ZMIZ1: variants seen among roughly 807,000 people sequenced by gnomAD.
ZMIZ1 encodes zinc finger MIZ domain-containing protein 1.
ZMIZ1 carries 17 observed loss-of-function variants against 113.9 expected under a neutral mutation model. The ratio of observed to expected loss-of-function variants is 0.15; its 90% CI spans 0.10 to 0.22. The LOEUF (loss-of-function observed/expected upper bound fraction) is 0.22. ZMIZ1 is among the 10% of genes least tolerant of loss of function. The pLI, the probability that ZMIZ1 is intolerant of heterozygous loss-of-function variation, is 1.00. For synonymous variants in ZMIZ1, 607 were observed against 603.1 expected (o/e 1.01, Z -0.09); for missense variants, 1,059 against 1,477.8 (o/e 0.72, Z 4.65).
Position 79,296,726 on chromosome 10 carries a change from G to A in ZMIZ1, c.1413+73G>A. On this transcript the variant is annotated intron_variant, in intron 13 of 24. Transcript: ENST00000334512. The surrounding 1 kb of genome is among the most constrained non-coding windows in gnomAD (Gnocchi z 4.1). ...CACCTCACTCCCCTAACTCCACCGG[G>A]ATCACTCTGACCCTGCGTGTGTTTG... 1.4e-6 allele frequency: 2 copies of A among 1,424,196 alleles called. No individual in the cohort carries two copies. Among genetic ancestry groups the A allele is most frequent in the Non-Finnish European group, 1.9e-6 (2 of 1,058,782 alleles). The allele number at this position is 1,424,196 out of a possible 1,614,324, so 88.2% of individuals were successfully genotyped here.
rs569572968 is a variant in ZMIZ1 at position 79,211,851 on chromosome 10, A to G, written c.174+3402A>G. Among the ~76,000 whole-genome samples, 14 of 152,332 alleles carry G rather than the reference A, an allele frequency of 9.2e-5. No homozygotes were observed. In the South Asian group the frequency reaches 2.9e-3, roughly 32 times the overall value. On this transcript the variant is annotated intron_variant, in intron 6 of 24. Transcript: ENST00000334512. ...CTCCCGTGGGCTTAGGGAACGGCGG[A>G]AGACAGAGGAGACAGTGGGAGAGCA...
intron 18 of ZMIZ1, 116 bp downstream of exon 18, chr10:79,302,328 C>A: frequency 1.9e-6 from 2 of 1,067,280 alleles, no homozygotes; most frequent in South Asian, 1.4e-5. Context: ...ATGTCACCAC[C>A]GGGCCTGGAG....
At chr10:79,082,557 C>T (rs946309378) in intron 1 of ZMIZ1, among the ~76,000 whole-genome samples, 4 of 152,216 alleles carry the variant, frequency 2.6e-5, no homozygotes, top group African/African-American at 9.7e-5. Flanking sequence ...TCCCATTTCC[C>T]AGATTAGAGC....
chr10:79,145,672 AC>A, intron 3 of ZMIZ1, among the ~76,000 whole-genome samples: 1 of 152,256 alleles, frequency 6.6e-6, no homozygotes, highest in East Asian at 1.9e-4. Flanking sequence ...CAGTGAGATA[AC>A]CTATGTGAAG....
In ZMIZ1 at chr10:79,118,588, T is replaced by G. The variant is rs981473595; in HGVS notation, c.-336-327T>G. On this transcript the variant is annotated intron_variant, in intron 1 of 24. Coordinates refer to ENST00000334512, the MANE Select transcript of ZMIZ1 (RefSeq NM_020338.4). This position sits in a 1 kb window ranked among gnomAD's most constrained non-coding sequence, Gnocchi z 4.1. The stretch of plus-strand genomic sequence containing the variant: ...AGCTCTGAGCGGGGCACCCAGCGTG[T>G]GCCAAGGCCGGAGCCAGGGGCTCTG... 2.6e-5 allele frequency among the ~76,000 whole-genome samples: 4 copies of G among 152,130 alleles called. No individual in the cohort carries two copies. The highest frequency in any genetic ancestry group is 5.9e-5 in the Non-Finnish European group (4 of 68,000).
At chr10:79,293,973 T>C in intron 12 of ZMIZ1, 1 of 452,836 alleles carries the variant, frequency 2.2e-6, no homozygotes, top group Non-Finnish European at 4.1e-6. Flanking sequence ...GACTCTTGTC[T>C]TGGCTCAGCC....
chr10:79,139,250 C>T (rs760285515), intron 2 of ZMIZ1, among the ~76,000 whole-genome samples: 2 of 152,070 alleles, frequency 1.3e-5, no homozygotes, highest in African/African-American at 4.8e-5. Flanking sequence ...GCCGGCCGGC[C>T]GTGTGAGATA....
At chr10:79,287,087 G>T (rs950792007) in intron 8 of ZMIZ1, among the ~76,000 whole-genome samples, 4 of 152,226 alleles carry the variant, frequency 2.6e-5, no homozygotes, top group African/African-American at 9.6e-5. Flanking sequence ...CAGGTGTCCA[G>T]GGGATCTCCT....
chr10:79,173,186 C>A (rs1189484926), intron 4 of ZMIZ1, among the ~76,000 whole-genome samples: 1 of 152,224 alleles, frequency 6.6e-6, no homozygotes, highest in Non-Finnish European at 1.5e-5. Flanking sequence ...CTAGGGCAAG[C>A]TTGTCCAACC....
rs1055893759 is a variant in ZMIZ1, at chr10:79,267,890, C to T, written c.281-9291C>T. On this transcript the variant is annotated intron_variant, in intron 7 of 24. Transcript: ENST00000334512. Reference sequence around the variant, plus strand: ...AGTCCAGGCCCGTGTTGACTCAAACCCCTGTGTCTGCTGCACTCTCCCGCC... The same window carrying T: ...AGTCCAGGCCCGTGTTGACTCAAACTCCTGTGTCTGCTGCACTCTCCCGCC... 3.9e-5 allele frequency among the ~76,000 whole-genome samples: 6 copies of T among 152,250 alleles called. No individual in the cohort carries two copies. In the East Asian group the frequency reaches 1.2e-3, roughly 29 times the overall value.
chr10:79,264,163 C>T (rs1851441937), intron 7 of ZMIZ1, among the ~76,000 whole-genome samples: 1 of 152,198 alleles, frequency 6.6e-6, no homozygotes, highest in African/African-American at 2.4e-5. Flanking sequence ...TCAGTTCTCA[C>T]CTTGCAGATG....
At chr10:79,273,653 C>T (rs1437309009) in intron 7 of ZMIZ1, among the ~76,000 whole-genome samples, 1 of 152,272 alleles carries the variant, frequency 6.6e-6, no homozygotes, top group African/African-American at 2.4e-5. Flanking sequence ...CCATCACGCC[C>T]AGCCCCTGCT....
At chr10:79,200,499 T>C (rs1848029649) in intron 4 of ZMIZ1, among the ~76,000 whole-genome samples, 1 of 152,176 alleles carries the variant, frequency 6.6e-6, no homozygotes, top group South Asian at 2.1e-4. Flanking sequence ...AGCACTCCCT[T>C]CTCCTGCACT....
intron 7 of ZMIZ1, among the ~76,000 whole-genome samples, chr10:79,267,935 C>T (rs1245746969): frequency 6.6e-6 from 1 of 152,190 alleles, no homozygotes; most frequent in Non-Finnish European, 1.5e-5. Context: ...CCCTCACCAC[C>T]ACTTCTTTTC....
intron 4 of ZMIZ1, among the ~76,000 whole-genome samples, chr10:79,186,098 G>A (rs1222268568): frequency 6.6e-6 from 1 of 152,086 alleles, no homozygotes; most frequent in African/African-American, 2.4e-5. Flanking sequence ...GGAGGGAAAG[G>A]GTGTGAAGAG....
chr10:79,215,909 G>C (rs1469200429), intron 6 of ZMIZ1, among the ~76,000 whole-genome samples: 1 of 152,140 alleles, frequency 6.6e-6, no homozygotes, highest in Non-Finnish European at 1.5e-5. Context: ...GGAAGCGGCG[G>C]GGCCTATGGC....
chr10:79,178,831 C>T (rs1846984720), intron 4 of ZMIZ1, among the ~76,000 whole-genome samples: 2 of 152,150 alleles, frequency 1.3e-5, no homozygotes, highest in African/African-American at 4.8e-5. Context: ...GGCTTCCTGC[C>T]CTTGGAGAGG....
At chr10:79,163,839 G>C (rs1430644996) in intron 4 of ZMIZ1, among the ~76,000 whole-genome samples, 1 of 152,220 alleles carries the variant, frequency 6.6e-6, no homozygotes, top group Non-Finnish European at 1.5e-5. Flanking sequence ...GATGGGGCCT[G>C]CCTGCAACTC....
chr10:79,091,145 T>C (rs1014939110), intron 1 of ZMIZ1, among the ~76,000 whole-genome samples: 1 of 152,242 alleles, frequency 6.6e-6, no homozygotes, highest in African/African-American at 2.4e-5. Context: ...GAAGCTGGAC[T>C]GGGTGACATT....
Sources: allele counts gnomAD v4.1 joint callset (sites outside exome capture counted in the v4.1 genomes callset), GRCh38; gene constraint gnomAD v4.1.1; non-coding constraint Gnocchi (gnomAD v3.1); transcripts MANE v1.5; gene names NCBI Gene and HGNC (gene_info 2026-07-23, HGNC 2026-07-21).